Variants in DPP6 observed in about 807,000 individuals in gnomAD.
The protein encoded by DPP6 is A-type potassium channel modulatory protein DPP6.
Under a neutral mutation model 122.6 loss-of-function variants are expected in DPP6, and 69 were observed. The observed-to-expected ratio is 0.56, with a 90% CI of 0.46 to 0.69. The LOEUF (loss-of-function observed/expected upper bound fraction) is 0.69. Among genes scored for constraint, DPP6 ranks in the 30% least tolerant of loss-of-function variants. The pLI, the probability that DPP6 is intolerant of heterozygous loss-of-function variation, is 0.00. For missense variants in DPP6, 928 were observed against 1,116.9 expected, an observed-to-expected ratio of 0.83 and a Z score of 2.41; for synonymous variants, 418 against 433.1, an observed-to-expected ratio of 0.97 and a Z score of 0.43.
intron 1 of DPP6, among the ~76,000 whole-genome samples, chr7:154,204,484 A>G (rs775320956): frequency 2.2e-4 from 34 of 152,178 alleles, no homozygotes; most frequent in African/African-American, 3.9e-4. Context: ...TAATTATTCA[A>G]TGACTTAAGG....
intron 1 of DPP6, among the ~76,000 whole-genome samples, chr7:154,234,095 A>G (rs767791324): frequency 3.3e-5 from 5 of 152,246 alleles, no homozygotes; most frequent in Non-Finnish European, 4.4e-5. Flanking sequence ...TGCCAAGTAC[A>G]GTGCTAGGTG....
chr7:153,823,624 G>T, the DPP6 span, among the ~76,000 whole-genome samples: 1 of 146,674 alleles, frequency 6.8e-6, no homozygotes, highest in African/African-American at 2.5e-5. Flanking sequence ...AGGGAATCAT[G>T]ACGGATATAC....
At chr7:154,350,850 A>G (rs1810791511) in intron 1 of DPP6, among the ~76,000 whole-genome samples, 2 of 152,082 alleles carry the variant, frequency 1.3e-5, no homozygotes, top group Non-Finnish European at 2.9e-5. Context: ...TTTTAAGGGA[A>G]TTTTGGTTAG....
chr7:154,305,621 T>C (rs1297284798), intron 1 of DPP6: 16 of 1,538,156 alleles, frequency 1.0e-5, no homozygotes, highest in Non-Finnish European at 1.3e-5. Context: ...TGTGTGTGCA[T>C]GAGAGAGACA....
At chr7:154,656,527 G>A (rs752989876) in intron 6 of DPP6, among the ~76,000 whole-genome samples, 4 of 152,176 alleles carry the variant, frequency 2.6e-5, no homozygotes, top group Non-Finnish European at 4.4e-5. Context: ...TTGGCACCTC[G>A]ATGGACACAG....
intron 5 of DPP6, 120 bp from the exon 6 acceptor site, chr7:154,637,701 G>A (rs945741121): frequency 2.2e-5 from 20 of 929,992 alleles, no homozygotes; most frequent in Non-Finnish European, 2.8e-5. Context: ...TTGTCTCCAG[G>A]TGTTGGGATT....
At chr7:154,613,784 T>A (rs1180186658) in intron 5 of DPP6, among the ~76,000 whole-genome samples, 1 of 152,152 alleles carries the variant, frequency 6.6e-6, no homozygotes, top group East Asian at 1.9e-4. Context: ...AGCTTCTAAC[T>A]GATAATAAAA....
intron 7 of DPP6, among the ~76,000 whole-genome samples, chr7:154,698,108 T>A (rs1435028944): frequency 6.6e-6 from 1 of 152,220 alleles, no homozygotes; most frequent in Non-Finnish European, 1.5e-5. Flanking sequence ...GTTTTCTAAA[T>A]CTATTTCCAA....
chr7:154,311,824 C>G (rs1485511891), intron 1 of DPP6, among the ~76,000 whole-genome samples: 1 of 152,176 alleles, frequency 6.6e-6, no homozygotes, highest in Non-Finnish European at 1.5e-5. Context: ...ACTCTTCTAT[C>G]AAAAATGCTC....
chr7:154,840,452 T>A (rs1801432419), intron 16 of DPP6, among the ~76,000 whole-genome samples: 4 of 152,152 alleles, frequency 2.6e-5, no homozygotes, highest in Non-Finnish European at 4.4e-5. Flanking sequence ...CCAGGTCTGA[T>A]CAGATGTGAA....
chr7:154,244,388 T>G (rs1801839312), intron 1 of DPP6, among the ~76,000 whole-genome samples: 1 of 152,108 alleles, frequency 6.6e-6, no homozygotes, highest in African/African-American at 2.4e-5. Context: ...CAAGACATAT[T>G]CAAAAGAAGC....
At chr7:154,474,760 T>G (rs931187920) in intron 2 of DPP6, among the ~76,000 whole-genome samples, 179 bp from the exon 3 acceptor site, 1 of 152,208 alleles carries the variant, frequency 6.6e-6, no homozygotes, top group Non-Finnish European at 1.5e-5. Context: ...TTCCTTAGCA[T>G]AGGTTTTGAT....
intron 1 of DPP6, among the ~76,000 whole-genome samples, chr7:154,190,917 C>T (rs967932167): frequency 3.3e-5 from 5 of 152,122 alleles, no homozygotes; most frequent in Non-Finnish European, 7.4e-5. Flanking sequence ...TTTCCATTAT[C>T]AGCTGTTTTC....
Position 154,027,325 on chromosome 7 carries a change from T to G in DPP6, c.51+139591T>G, listed in dbSNP as rs202163996. On this transcript the variant is annotated intron_variant, in intron 1 of 25. Transcript: ENST00000404039. ...AACATTTTTTTTGGTCATGTTAACT[T>G]ACTTGATTCTTCAGAGTTTGCTTAT... Among the ~76,000 whole-genome samples, 26 of 152,238 alleles carry G rather than the reference T, an allele frequency of 1.7e-4. No individual in the cohort carries two copies. In the East Asian group the frequency reaches 2.2e-3, roughly 13 times the overall value.
At position 154,893,451 on chromosome 7, in the gene DPP6, T is replaced by TAAAAAAAAAAAAAA. The variant is rs775016101; in HGVS notation, c.*971_*972insAAAAAAAAAAAAAA. On this transcript the variant is annotated 3_prime_UTR_variant, in exon 26 of 26. Transcript: ENST00000377770. ...CAAGCTCTTTCCCATGACATTTGGTTTAAAAAAAAAAAAAAAAAAAAAAAA... is the reference window on the plus strand; with the variant it reads ...CAAGCTCTTTCCCATGACATTTGGTTAAAAAAAAAAAAAATAAAAAAAAAAAAAAAAAAAAAAAA... 8.5e-4 allele frequency: 52 copies of TAAAAAAAAAAAAAA among 61,332 alleles called. 8 individuals are homozygous for TAAAAAAAAAAAAAA. Among genetic ancestry groups the TAAAAAAAAAAAAAA allele is most frequent in the African/African-American group, 2.6e-3 (51 of 19,888 alleles). 3.8% of individuals were successfully genotyped at this position (61,332 alleles called of 1,614,324 possible).
At chr7:153,773,342 A>G in the DPP6 span, among the ~76,000 whole-genome samples, 2 of 145,182 alleles carry the variant, frequency 1.4e-5, no homozygotes, top group African/African-American at 5.1e-5. Context: ...TTTTTTTTAA[A>G]GCAGGCATAA....
intron 21 of DPP6, among the ~76,000 whole-genome samples, chr7:154,883,368 ACACG>A (rs1805607289): frequency 6.8e-6 from 1 of 146,512 alleles, no homozygotes; most frequent in African/African-American, 2.6e-5. Context: ...ATGCTCACAC[ACACG>A]ATTACATACA....
At chr7:153,914,560 A>G (rs1188759865) in intron 1 of DPP6, among the ~76,000 whole-genome samples, 1 of 152,232 alleles carries the variant, frequency 6.6e-6, no homozygotes, top group Non-Finnish European at 1.5e-5. Context: ...ATTTAAGAGT[A>G]CAGTTCAATA....
chr7:154,313,938 A>G (rs931940612), intron 1 of DPP6, among the ~76,000 whole-genome samples: 1 of 151,544 alleles, frequency 6.6e-6, no homozygotes, highest in African/African-American at 2.4e-5. Flanking sequence ...TGGTTAAAGA[A>G]GAGATTAACC....
Sources: gnomAD v4.1 joint callset for allele counts (sites outside exome capture counted in the v4.1 genomes callset) on GRCh38, gnomAD v4.1.1 for gene constraint, MANE v1.5 for transcripts, NCBI Gene and HGNC (gene_info 2026-07-23, HGNC 2026-07-21) for gene names.